PARP1: variants seen among roughly 807,000 people sequenced by gnomAD.
The protein encoded by PARP1 is poly [ADP-ribose] polymerase 1.
Under a neutral mutation model 118.7 loss-of-function variants are expected in PARP1, and 44 were observed. The ratio of observed to expected loss-of-function variants is 0.37; its 90% CI spans 0.29 to 0.48. The LOEUF (loss-of-function observed/expected upper bound fraction) is 0.48. Among genes scored for constraint, PARP1 ranks in the 20% least tolerant of loss-of-function variants. The probability of loss-of-function intolerance (pLI) is 0.99; values close to 1 mark genes in which losing one functional copy is unlikely to be tolerated. For synonymous variants in PARP1, 492 were observed against 483.2 expected (o/e 1.02, Z -0.24); for missense variants, 1,100 against 1,272.4 (o/e 0.86, Z 2.06).
intron 18 of PARP1, among the ~76,000 whole-genome samples, chr1:226,365,402 T>C (rs1218991038): frequency 1.3e-5 from 2 of 152,254 alleles, no homozygotes; most frequent in Non-Finnish European, 2.9e-5. Context: ...AACTTTATCT[T>C]GGACATCTGA....
chr1:226,392,531 C>T, intron 2 of PARP1: 1 of 584,082 alleles, frequency 1.7e-6, no homozygotes, highest in Non-Finnish European at 3.1e-6. Context: ...AGACTGAGCT[C>T]CTTGAAAGAG....
Position 226,381,147 on chromosome 1 carries a change from T to C in PARP1, c.1221A>G (p.Glu407=). Residue 407 remains glutamate (E), a synonymous_variant, in exon 9 of 23, where the codon GAA becomes GAG. Transcript: ENST00000366794. ...TLGKLSRNKD[E]VKAMIEKLGG... ...CGAGTTTCTCAATCATGGCCTTCAC[T>C]TCATCCTTGTTCCGGGACAGCTTCC... 1 of 1,614,150 alleles carries C rather than the reference T, an allele frequency of 6.2e-7. No homozygotes were observed. The highest frequency in any genetic ancestry group is 8.5e-7 in the Non-Finnish European group (1 of 1,179,984).
At chr1:226,405,594 C>A (rs184187890) in intron 1 of PARP1, among the ~76,000 whole-genome samples, 163 of 152,282 alleles carry the variant, frequency 1.1e-3, no homozygotes, top group Non-Finnish European at 1.7e-3. Context: ...GCATGCGCCA[C>A]CAAGCCCGGC....
At chr1:226,403,886 G>T (rs114939615) in intron 1 of PARP1, among the ~76,000 whole-genome samples, 1 of 152,188 alleles carries the variant, frequency 6.6e-6, no homozygotes, top group African/African-American at 2.4e-5. Flanking sequence ...TTAGGATGGA[G>T]TTGCGGGGAC....
At chr1:226,403,216 G>A (rs868861141) in intron 1 of PARP1, among the ~76,000 whole-genome samples, 2 of 152,204 alleles carry the variant, frequency 1.3e-5, no homozygotes, top group Non-Finnish European at 2.9e-5. Context: ...TTTTGAGACC[G>A]AGTCTTGCAC....
At chr1:226,392,090 G>C in intron 3 of PARP1, 109 bp downstream of exon 3, 1 of 791,088 alleles carries the variant, frequency 1.3e-6, no homozygotes, top group Non-Finnish European at 2.3e-6. Flanking sequence ...AATCACTTAC[G>C]TTGAGCTAGC....
Position 226,386,569 on chromosome 1 carries a change from T to C in PARP1, c.718-127A>G. On this transcript the variant is annotated intron_variant, in intron 5 of 22. Transcript: ENST00000366794. ...TGCACCAGCGAGCTGCCCCTGCAAA[T>C]CTGGGTGATTAGCACAGGATTTGAC... 4 of 767,794 alleles carry C rather than the reference T, an allele frequency of 5.2e-6. No individual in the cohort carries two copies. The South Asian group carries it at 5.5e-5, about 10-fold the overall frequency. 47.6% of individuals were successfully genotyped at this position (767,794 alleles called of 1,614,324 possible). A position where few individuals can be genotyped will look rare whatever the true frequency, so the allele number is the denominator to read the frequency against.
intron 14 of PARP1, 67 bp from the exon 15 acceptor site, chr1:226,370,584 C>G (rs1247143801): frequency 3.1e-6 from 4 of 1,306,962 alleles, no homozygotes; most frequent in Non-Finnish European, 4.4e-6. Context: ...GAGAGCTGGA[C>G]CGGGCAGCCC....
intron 1 of PARP1, among the ~76,000 whole-genome samples, chr1:226,402,816 G>C (rs1665063599): frequency 6.6e-6 from 1 of 152,248 alleles, no homozygotes; most frequent in Non-Finnish European, 1.5e-5. Context: ...CTCCAGGCTT[G>C]CCTGGACTCA....
At position 226,402,088 on chromosome 1, in the gene PARP1, T is replaced by C. The variant is rs374235417; in HGVS notation, c.286+126A>G. On this transcript the variant is annotated intron_variant, in intron 2 of 22. Coordinates refer to ENST00000366794, the MANE Select transcript of PARP1 (RefSeq NM_001618.4). ...TGTTGCTGAAATAACATGGGCACCA[T>C]ACGCTTGATCTGCACATGTGGGAGA... The C allele has an allele frequency of 2.7e-5, 42 of 1,582,682 alleles. 1 individual carries two copies. The African/African-American group carries it at 3.8e-4, about 14-fold the overall frequency.
At chr1:226,407,728 G>T in intron 1 of PARP1, 82 bp downstream of exon 1, 1 of 1,289,824 alleles carries the variant, frequency 7.8e-7, no homozygotes, top group Non-Finnish European at 1.0e-6. Context: ...CGCTCCCTGG[G>T]CCCGCCCTCC....
intron 7 of PARP1, among the ~76,000 whole-genome samples, chr1:226,383,535 T>G (rs1237237044): frequency 6.6e-6 from 1 of 152,168 alleles, no homozygotes; most frequent in Non-Finnish European, 1.5e-5. Context: ...CATTCCTGAG[T>G]TGCTCCCTTC....
At position 226,391,300 on chromosome 1, in the gene PARP1, C is replaced by T. The variant is rs553483389; in HGVS notation, c.403-676G>A. Among the ~76,000 whole-genome samples, 7 of 152,196 alleles carry T rather than the reference C, an allele frequency of 4.6e-5. No homozygotes were observed. The East Asian group carries it at 1.4e-3, about 29-fold the overall frequency. On this transcript the variant is annotated intron_variant, in intron 3 of 22. Transcript: ENST00000366794. Reference sequence around the variant, plus strand: ...GTCCACTCCCACCCTCCTATGGCCTCCTTAGTCTCTTTACAGATGACACCC... The same window carrying T: ...GTCCACTCCCACCCTCCTATGGCCTTCTTAGTCTCTTTACAGATGACACCC...
Position 226,402,194 on chromosome 1 carries a change from C to T in PARP1, c.286+20G>A, listed in dbSNP as rs2102747086. 6.2e-7 allele frequency: 1 copy of T among 1,614,216 alleles called. No homozygotes were observed. The highest frequency in any genetic ancestry group is 1.7e-5 in the Admixed American group (1 of 60,028). On this transcript the variant is annotated intron_variant, in intron 2 of 22. Transcript: ENST00000366794. Reference sequence around the variant, plus strand: ...TCAGGGTGGGGGCTGAATGCCCATGCTGCCCCAGTATGTACACACCTGTCA... The same window carrying T: ...TCAGGGTGGGGGCTGAATGCCCATGTTGCCCCAGTATGTACACACCTGTCA...
At chr1:226,368,128 G>T (rs1664306962) in intron 16 of PARP1, 71 bp downstream of exon 16, 2 of 1,599,102 alleles carry the variant, frequency 1.3e-6, no homozygotes, top group African/African-American at 1.3e-5. Flanking sequence ...ATCATGATGG[G>T]GAGGGACGGC....
chr1:226,385,818 G>C lies in PARP1; in HGVS notation c.835-138C>G, dbSNP rs1664705098. The stretch of plus-strand genomic sequence containing the variant: ...GGCTTCTTGCTGTGGGCTTGCTATG[G>C]GGCTCTTAACACCCCACCCACCCTT... On this transcript the variant is annotated intron_variant, in intron 6 of 22. Coordinates refer to ENST00000366794, the MANE Select transcript of PARP1 (RefSeq NM_001618.4). 3.7e-6 allele frequency: 3 copies of C among 804,676 alleles called. No individual in the cohort carries two copies. The East Asian group carries it at 7.9e-5, about 21-fold the overall frequency. The allele number at this position is 804,676 out of a possible 1,614,324, so 49.8% of individuals were successfully genotyped here. A position where few individuals can be genotyped will look rare whatever the true frequency, so the allele number is the denominator to read the frequency against.
rs563633506 is a variant in PARP1, at chr1:226,365,231, T to C, written c.2506-77A>G. On this transcript the variant is annotated intron_variant, in intron 18 of 22. Transcript: ENST00000366794. The stretch of plus-strand genomic sequence containing the variant: ...TGGTTGACTGAAAGACAGGACTGGA[T>C]ACACGAGAAATGACCGGCTGTCCCT... 1.3e-4 allele frequency: 186 copies of C among 1,485,666 alleles called. 1 individual carries two copies. In the South Asian group the frequency reaches 2.0e-3, roughly 16 times the overall value. The allele number at this position is 1,485,666 out of a possible 1,614,324, so 92.0% of individuals were successfully genotyped here. A position where few individuals can be genotyped will look rare whatever the true frequency, so the allele number is the denominator to read the frequency against.
chr1:226,404,010 C>G (rs1665090263), intron 1 of PARP1, among the ~76,000 whole-genome samples: 1 of 152,290 alleles, frequency 6.6e-6, no homozygotes, highest in East Asian at 1.9e-4. Flanking sequence ...TATGGCAGCA[C>G]AAGGACTCCT....
intron 14 of PARP1, among the ~76,000 whole-genome samples, chr1:226,372,008 A>G (rs1271179599): frequency 6.6e-6 from 1 of 152,224 alleles, no homozygotes; most frequent in African/African-American, 2.4e-5. Context: ...AAGTGGGAGA[A>G]ACACCTTGGC....
Sources: allele counts gnomAD v4.1 joint callset (sites outside exome capture counted in the v4.1 genomes callset), GRCh38; gene constraint gnomAD v4.1.1; transcripts MANE v1.5; gene names NCBI Gene and HGNC (gene_info 2026-07-23, HGNC 2026-07-21).